The following CELA3A variants were observed in gnomAD, a reference collection of about 807,000 sequenced individuals.
CELA3A encodes chymotrypsin like elastase 3A, also known as chymotrypsin-like elastase family member 3A.
A neutral mutation model predicts 38.6 loss-of-function variants in CELA3A; 35 were observed. The ratio of observed to expected loss-of-function variants is 0.91; its 90% CI spans 0.69 to 1.20. CELA3A has a LOEUF of 1.20. Ranked by LOEUF, CELA3A falls within the 50% of genes most tolerant of loss-of-function variation. CELA3A has a pLI of 0.00. For synonymous variants in CELA3A, 143 were observed against 136.7 expected (o/e 1.05, Z -0.32); for missense variants, 343 against 354.2 (o/e 0.97, Z 0.25).
intron 6 of CELA3A, among the ~76,000 whole-genome samples, chr1:22,008,904 A>G (rs1276043301): frequency 6.6e-6 from 1 of 151,938 alleles, no homozygotes; most frequent in African/African-American, 2.4e-5. Context: ...GCATCATCTC[A>G]TGTAATTCCC....
rs546619223 is a variant in CELA3A, at chr1:22,004,022, A to AT, written c.129+934_129+935insT. Among the ~76,000 whole-genome samples, 104 of 150,370 alleles carry AT rather than the reference A, an allele frequency of 6.9e-4. 1 individual carries two copies. The highest frequency in any genetic ancestry group is 1.6e-3 in the East Asian group (8 of 5,068). On this transcript the variant is annotated intron_variant, in intron 2 of 7. Transcript: ENST00000290122. Reference sequence around the variant, plus strand: ...CCCAGCTGAAATTTACTTACATTAAAAATGTTAACAATTCATTTCCTCAGT... The same window carrying AT: ...CCCAGCTGAAATTTACTTACATTAAATAATGTTAACAATTCATTTCCTCAGT...
chr1:22,007,872 C>T (rs1364552322), intron 6 of CELA3A, among the ~76,000 whole-genome samples: 3 of 151,198 alleles, frequency 2.0e-5, no homozygotes, highest in Non-Finnish European at 4.4e-5. Context: ...CATCATTGTT[C>T]TGGGCACAGT....
At chr1:22,006,804 C>A in intron 4 of CELA3A, 74 bp from the exon 5 acceptor site, 3 of 1,571,304 alleles carry the variant, frequency 1.9e-6, no homozygotes, top group Non-Finnish European at 2.6e-6. Context: ...GTGGAATAGC[C>A]TGGAGCAACG....
intron 3 of CELA3A, 21 bp from the exon 4 acceptor site, chr1:22,005,641 T>G (rs1476107651): frequency 6.2e-7 from 1 of 1,612,252 alleles, no homozygotes; most frequent in African/African-American, 1.3e-5. Flanking sequence ...AGGCCCCGAC[T>G]GACCTCACCT....
rs1644985211 is a variant in CELA3A, at chr1:22,011,851, G to A, written c.796-599G>A. ...GGGCAGATCACGAGGTCAGGAGATT[G>A]AGACCATCCTGGCTAACACGGTGAA... is the stretch of plus-strand genomic sequence containing the variant. On this transcript the variant is annotated intron_variant, in intron 7 of 7. Coordinates refer to ENST00000290122, the MANE Select transcript of CELA3A (RefSeq NM_005747.5). 2.4e-5 allele frequency among the ~76,000 whole-genome samples: 3 copies of A among 125,304 alleles called. 1 individual carries two copies. The highest frequency in any genetic ancestry group is 3.3e-5 in the African/African-American group (1 of 30,368). The allele number at this position is 125,304 out of a possible 152,430, so 82.2% of individuals were successfully genotyped here.
In CELA3A at chr1:22,009,224, C is replaced by T. The variant is rs1454638839; in HGVS notation, c.643-481C>T. Among the ~76,000 whole-genome samples, 11 of 151,190 alleles carry T rather than the reference C, an allele frequency of 7.3e-5. No homozygotes were observed. The East Asian group carries it at 1.2e-3, about 16-fold the overall frequency. On this transcript the variant is annotated intron_variant, in intron 6 of 7. Coordinates refer to ENST00000290122, the MANE Select transcript of CELA3A (RefSeq NM_005747.5). Reference sequence around the variant, plus strand: ...ACGAAAAATACAAAAATTAGCCGGGCGTGGTAGTGGGCACCTATAGTCCCA... The same window carrying T: ...ACGAAAAATACAAAAATTAGCCGGGTGTGGTAGTGGGCACCTATAGTCCCA...
chr1:22,003,704 T>G (rs143313123), intron 2 of CELA3A, among the ~76,000 whole-genome samples: 3,447 of 150,562 alleles, frequency 0.023, 114 homozygotes, highest in Non-Finnish European at 0.034. Flanking sequence ...TAAATTAAAT[T>G]ATTATTACTA....
chr1:22,003,258 C>G (rs931241801), intron 2 of CELA3A, among the ~76,000 whole-genome samples, 170 bp downstream of exon 2: 2 of 151,124 alleles, frequency 1.3e-5, no homozygotes, highest in African/African-American at 4.9e-5. Flanking sequence ...TTGCCCGTTT[C>G]ATCTGTAACC....
chr1:22,002,396 C>A, intron 1 of CELA3A: 2 of 378,744 alleles, frequency 5.3e-6, no homozygotes, highest in Non-Finnish European at 5.2e-6. Context: ...TGGGGTCTTG[C>A]TTTGTTGCCC....
intron 6 of CELA3A, among the ~76,000 whole-genome samples, chr1:22,009,126 G>T (rs1421241774): frequency 6.6e-6 from 1 of 151,310 alleles, no homozygotes; most frequent in Non-Finnish European, 1.5e-5. Flanking sequence ...AGCACTTCGG[G>T]AGGCTGAGGC....
intron 2 of CELA3A, among the ~76,000 whole-genome samples, chr1:22,005,081 C>G (rs4454516): frequency 7.2e-6 from 1 of 138,050 alleles, no homozygotes; most frequent in South Asian, 2.3e-4. Context: ...GCCTGGGGAA[C>G]AAGAGCAAAA....
intron 6 of CELA3A, 122 bp from the exon 7 acceptor site, chr1:22,009,583 G>T: frequency 1.6e-6 from 2 of 1,218,866 alleles, no homozygotes; most frequent in South Asian, 1.6e-5. Context: ...ATAAAAAAAT[G>T]AGCGAGCTAA....
At chr1:22,005,379 A>G in intron 2 of CELA3A, 68 bp from the exon 3 acceptor site, 3 of 1,575,706 alleles carry the variant, frequency 1.9e-6, no homozygotes, top group Non-Finnish European at 2.6e-6. Context: ...CACAACCTAT[A>G]CAGCCATTGG....
intron 6 of CELA3A, among the ~76,000 whole-genome samples, chr1:22,008,105 A>C (rs1230844825): frequency 8.0e-6 from 1 of 125,254 alleles, no homozygotes; most frequent in Non-Finnish European, 1.7e-5. Flanking sequence ...AGTGGCTATG[A>C]TTTTTGCCAC....
chr1:22,007,297 C>G (rs1347140818), intron 5 of CELA3A, 76 bp from the exon 6 acceptor site: 2 of 1,528,966 alleles, frequency 1.3e-6, no homozygotes, highest in Admixed American at 4.1e-5. Context: ...AACTGTGGGC[C>G]TTGAATGCCC....
At position 22,003,475 on chromosome 1, in the gene CELA3A, G is replaced by A. The variant is rs542945146; in HGVS notation, c.129+387G>A. ...AGTGAGGGATCTTGTAAGGCCAGTG[G>A]AGGGAAGCTCAGAAGGCTGGACTTG... On this transcript the variant is annotated intron_variant, in intron 2 of 7. Coordinates refer to ENST00000290122, the MANE Select transcript of CELA3A (RefSeq NM_005747.5). Among the ~76,000 whole-genome samples, 34 of 150,882 alleles carry A rather than the reference G, an allele frequency of 2.3e-4. 3 individuals are homozygous for A. Among genetic ancestry groups the A allele is most frequent in the African/African-American group, 7.9e-4 (32 of 40,720 alleles).
Position 22,001,712 on chromosome 1 carries a change from C to A in CELA3A, c.38C>A (p.Ala13Asp), listed in dbSNP as rs1644919761. 1 of 1,612,306 alleles carries A rather than the reference C, an allele frequency of 6.2e-7. No individual in the cohort carries two copies. The highest frequency in any genetic ancestry group is 8.5e-7 in the Non-Finnish European group (1 of 1,179,428). The change falls in exon 1 of 8, where the codon GCC becomes GAC. Residue 13 changes from alanine (A) to aspartate (D), a missense_variant. By Grantham distance (126) the Ala-to-Asp change is moderately radical. Transcript: ENST00000290122. ...LRLLSSLLLV[A>D]VASGYGPPSS... is the part of the protein sequence containing the mutation. ...CTGCTCAGTTCCCTCCTCCTTGTGG[C>A]CGTTGGTAAGACCCCAACCTGTCTG...
chr1:22,007,256 G>A (rs1644956357), intron 5 of CELA3A, 117 bp from the exon 6 acceptor site: 1 of 1,417,810 alleles, frequency 7.1e-7, no homozygotes, highest in South Asian at 1.4e-5. Flanking sequence ...CCATTTAGCG[G>A]GTGGGAGGAG....
rs768469764 is a variant in CELA3A, at chr1:22,007,381, C to T, written c.508C>T (p.Pro170Ser). ...GCTTTTTATCCTTGCAGCCAATGGGCCACTCCCAGACAAGCTGCAGCAGGC... is the reference window on the plus strand; with the variant it reads ...GCTTTTTATCCTTGCAGCCAATGGGTCACTCCCAGACAAGCTGCAGCAGGC... ...TGWGRLYTNG[P>S]LPDKLQQARL... is the part of the protein sequence containing the mutation. The change falls in exon 6 of 8, where the codon CCA becomes TCA. Residue 170 changes from proline (P) to serine (S), a missense_variant. Coordinates refer to ENST00000290122, the MANE Select transcript of CELA3A (RefSeq NM_005747.5). 6.2e-7 allele frequency: 1 copy of T among 1,610,318 alleles called. No homozygotes were observed.
Sources: gnomAD v4.1 joint callset for allele counts (sites outside exome capture counted in the v4.1 genomes callset) on GRCh38, gnomAD v4.1.1 for gene constraint, MANE v1.5 for transcripts, NCBI Gene and HGNC (gene_info 2026-07-23, HGNC 2026-07-21) for gene names.